Variants in PRR12 observed in about 807,000 individuals in gnomAD.
PRR12 encodes proline-rich protein 12.
Under a neutral mutation model 138.0 loss-of-function variants are expected in PRR12, and 12 were observed. The observed-to-expected ratio is 0.09, with a 90% CI of 0.06 to 0.14. PRR12 has a LOEUF of 0.14. PRR12 is among the 10% of genes least tolerant of loss of function. The probability of loss-of-function intolerance (pLI) is 1.00; values close to 1 mark genes in which losing one functional copy is unlikely to be tolerated. For synonymous variants in PRR12, 1,567 were observed against 1,291.7 expected, an observed-to-expected ratio of 1.21 and a Z score of -4.57; for missense variants, 2,692 against 2,861.3, an observed-to-expected ratio of 0.94 and a Z score of 1.35.
chr19:49,603,178 C>T (rs1008039819), intron 6 of PRR12, among the ~76,000 whole-genome samples: 1 of 152,192 alleles, frequency 6.6e-6, no homozygotes, highest in Non-Finnish European at 1.5e-5. Context: ...AGAGTTGGAT[C>T]AGAGGATTAA....
rs1388942064 is a variant in PRR12, at chr19:49,614,869, C to T, written c.4891-7C>T. ...GAATTTCCTCATGTGCCTCTTTCTC[C>T]CCATAGTATTTGGGGTATTTTGGGG... On this transcript the variant is annotated splice_region_variant and splice_polypyrimidine_tract_variant and intron_variant, in intron 7 of 13. Transcript: ENST00000418929. The surrounding 1 kb of genome is among the most constrained non-coding windows in gnomAD (Gnocchi z 5.0). 6 of 1,613,816 alleles carry T rather than the reference C, an allele frequency of 3.7e-6. No homozygotes were observed. In the East Asian group the frequency reaches 1.3e-4, roughly 36 times the overall value.
chr19:49,605,558 A>G (rs60709276), intron 6 of PRR12, among the ~76,000 whole-genome samples: 3,600 of 152,304 alleles, frequency 0.024, 141 homozygotes, highest in African/African-American at 0.082. Context: ...CACTGCGCCC[A>G]GCCAGGAACC....
chr19:49,620,517 G>A (rs1345724417), intron 10 of PRR12, 40 bp downstream of exon 10: 15 of 1,547,934 alleles, frequency 9.7e-6, no homozygotes, highest in African/African-American at 1.4e-5. Flanking sequence ...GGGCTGACTC[G>A]GTCTGAGGGA....
chr19:49,622,924 TATATAGAG>T (rs1441645632), intron 11 of PRR12, among the ~76,000 whole-genome samples: 27 of 84,754 alleles, frequency 3.2e-4, no homozygotes, highest in South Asian at 1.3e-3. Flanking sequence ...TATATATATA[TATATAGAG>T]AGAGAGAGAG....
Position 49,597,472 on chromosome 19 carries a change from C to G in PRR12, c.3137C>G (p.Pro1046Arg). Residue 1046 changes from proline (P) to arginine (R), a missense_variant, in exon 4 of 14, where the codon CCG (proline) becomes CGG (arginine). Physicochemically the swap from Pro to Arg is moderately radical, Grantham distance 103. Around this residue, in one of 11 missense-constraint regions of PRR12, gnomAD observed 840 missense variants for 689.8 expected, o/e 1.22. Coordinates refer to ENST00000418929, the MANE Select transcript of PRR12 (RefSeq NM_020719.3). The surrounding 1 kb of genome is among the most constrained non-coding windows in gnomAD (Gnocchi z 6.3). ...GCGCCACCACCCCCGCCTCCGCCAC[C>G]GCCGCCTCCCGCGCCGGCCTCCGAA... is the stretch of plus-strand genomic sequence containing the variant. ...QAAPPPPPPP[P>R]PPPAPASEPK... is the part of the protein sequence containing the mutation. 2 of 1,544,360 alleles carry G rather than the reference C, an allele frequency of 1.3e-6. No individual in the cohort carries two copies. The highest frequency in any genetic ancestry group is 1.7e-6 in the Non-Finnish European group (2 of 1,146,728).
intron 5 of PRR12, among the ~76,000 whole-genome samples, chr19:49,600,447 G>A (rs2122312827): frequency 6.6e-6 from 1 of 151,190 alleles, no homozygotes; most frequent in South Asian, 2.1e-4. Flanking sequence ...AATGAGAGGT[G>A]GGAGCTTACA....
At chr19:49,598,196 C>T (rs1238070375) in intron 4 of PRR12, among the ~76,000 whole-genome samples, 183 bp downstream of exon 4, 2 of 151,946 alleles carry the variant, frequency 1.3e-5, no homozygotes, top group Non-Finnish European at 2.9e-5. Flanking sequence ...GCCTCAGCCT[C>T]CCGAGTAGCT....
At chr19:49,609,979 C>CT (rs926692542) in intron 6 of PRR12, among the ~76,000 whole-genome samples, 124 of 146,162 alleles carry the variant, frequency 8.5e-4, no homozygotes, top group Middle Eastern at 3.7e-3. Flanking sequence ...CTTTTTCTTT[C>CT]TTTTTTTTTT....
rs1372090476 is a variant in PRR12, at chr19:49,597,914, C to T, written c.3579C>T (p.Pro1193=). The stretch of plus-strand genomic sequence containing the variant: ...CGGGGCCCGCCTCGGCCTCCACGCC[C>T]ACCGATGGCGCCAAGAAACCCCGGG... ...TTAGPASAST[P]TDGAKKPRGR... The change falls in exon 4 of 14, where the codon CCC becomes CCT. Residue 1193 remains proline (P), a synonymous_variant. Coordinates refer to ENST00000418929, the MANE Select transcript of PRR12 (RefSeq NM_020719.3). This position sits in a 1 kb window ranked among gnomAD's most constrained non-coding sequence, Gnocchi z 6.3. 7.1e-7 allele frequency: 1 copy of T among 1,407,774 alleles called. No individual in the cohort carries two copies. The highest frequency in any genetic ancestry group is 9.2e-7 in the Non-Finnish European group (1 of 1,085,118). The allele number at this position is 1,407,774 out of a possible 1,614,324, so 87.2% of individuals were successfully genotyped here.
Position 49,596,830 on chromosome 19 carries a change from C to T in PRR12, c.2495C>T (p.Ala832Val). The change falls in exon 4 of 14, where the codon GCA becomes GTA. Residue 832 changes from alanine (A) to valine (V), a missense_variant. By Grantham distance (64) the Ala-to-Val change is moderately conservative. Around this residue, in one of 11 missense-constraint regions of PRR12, gnomAD observed 840 missense variants for 689.8 expected, o/e 1.22. Coordinates refer to ENST00000418929, the MANE Select transcript of PRR12 (RefSeq NM_020719.3). The surrounding 1 kb of genome is among the most constrained non-coding windows in gnomAD (Gnocchi z 5.6). Reference protein sequence around the residue: ...HLLEPATRDGAPQPPPPPPPP... With the variant: ...HLLEPATRDGVPQPPPPPPPP... ...CTTGAGCCAGCCACCCGCGATGGGG[C>T]ACCCCAGCCACCTCCACCGCCACCC... is the stretch of plus-strand genomic sequence containing the variant. 1.3e-6 allele frequency: 2 copies of T among 1,595,172 alleles called. No homozygotes were observed. The highest frequency in any genetic ancestry group is 1.1e-5 in the South Asian group (1 of 90,596).
Position 49,597,578 on chromosome 19 carries a change from G to A in PRR12, c.3243G>A (p.Leu1081=). The change falls in exon 4 of 14, where the codon CTG becomes CTA. Residue 1081 remains leucine, a synonymous_variant. Transcript: ENST00000418929. This position sits in a 1 kb window ranked among gnomAD's most constrained non-coding sequence, Gnocchi z 6.3. ...TCAAGACATCCTCCTTCCACCTGCTGCGGCGCCGCGACCCACCCTTCCAGA... is the reference window on the plus strand; with the variant it reads ...TCAAGACATCCTCCTTCCACCTGCTACGGCGCCGCGACCCACCCTTCCAGA... ...KLLKTSSFHL[L]RRRDPPFQTP... 1 of 1,604,588 alleles carries A rather than the reference G, an allele frequency of 6.2e-7. No individual in the cohort carries two copies. Among genetic ancestry groups the A allele is most frequent in the Non-Finnish European group, 8.5e-7 (1 of 1,176,814 alleles).
rs773286612 is a variant in PRR12, at chr19:49,613,445, G to A, written c.4774-1088G>A. ...CTATTATTTCTTGTGTCCATATTTC[G>A]CGCCTCTGCTGCCCTTTTAGTCCTC... On this transcript the variant is annotated intron_variant, in intron 6 of 13. Transcript: ENST00000418929. 4.3e-4 allele frequency among the ~76,000 whole-genome samples: 66 copies of A among 151,808 alleles called. 1 individual carries two copies. The highest frequency in any genetic ancestry group is 1.2e-4 in the Non-Finnish European group (8 of 68,006).
At chr19:49,598,271 T>C (rs2080789204) in intron 4 of PRR12, among the ~76,000 whole-genome samples, 1 of 151,740 alleles carries the variant, frequency 6.6e-6, no homozygotes, top group Admixed American at 6.6e-5. Flanking sequence ...AGACGGGGTT[T>C]CACCGTATTA....
chr19:49,620,953 C>T (rs1378382356), intron 10 of PRR12, among the ~76,000 whole-genome samples: 4 of 122,104 alleles, frequency 3.3e-5, no homozygotes, highest in South Asian at 5.9e-4. Flanking sequence ...GGGACTGGGG[C>T]CTGGACTCCT....
Position 49,614,810 on chromosome 19 carries a change from CGG to C in PRR12, c.4891-62_4891-61del. Reference sequence around the variant, plus strand: ...GCAGCTGCCATGGTGGCCCAGGGCACGGGGGTGTTGGCCATCTGGCTGGGCAG... The same window carrying C: ...GCAGCTGCCATGGTGGCCCAGGGCACGGGTGTTGGCCATCTGGCTGGGCAG... On this transcript the variant is annotated intron_variant, in intron 7 of 13. Coordinates refer to ENST00000418929, the MANE Select transcript of PRR12 (RefSeq NM_020719.3). The surrounding 1 kb of genome is among the most constrained non-coding windows in gnomAD (Gnocchi z 5.0). 6.2e-7 allele frequency: 1 copy of C among 1,607,538 alleles called. No homozygotes were observed. Among genetic ancestry groups the C allele is most frequent in the Non-Finnish European group, 8.5e-7 (1 of 1,175,176 alleles).
At chr19:49,619,851 C>CATT (rs748070778) in intron 9 of PRR12, among the ~76,000 whole-genome samples, 13 of 53,946 alleles carry the variant, frequency 2.4e-4, no homozygotes, top group African/African-American at 1.1e-3. Flanking sequence ...CAATGCCTGG[C>CATT]TTTTTTTTTT....
In PRR12 at chr19:49,620,483, C is replaced by A; in HGVS notation, c.5623+6C>A. The A allele has an allele frequency of 6.5e-7, 1 of 1,537,084 alleles. No individual in the cohort carries two copies. On this transcript the variant is annotated splice_donor_region_variant and intron_variant, in intron 10 of 13. Coordinates refer to ENST00000418929, the MANE Select transcript of PRR12 (RefSeq NM_020719.3). ...GGCCCTGGAGGACACGCATGGTGAG[C>A]TGAGGCCTGGGGAGGAGGGGGGGGG...
Position 49,599,930 on chromosome 19 carries a change from G to A in PRR12, c.4337G>A (p.Gly1446Asp), listed in dbSNP as rs757993421. 2.5e-6 allele frequency: 4 copies of A among 1,601,404 alleles called. No homozygotes were observed. The highest frequency in any genetic ancestry group is 2.6e-6 in the Non-Finnish European group (3 of 1,172,868). Residue 1446 changes from glycine (G) to aspartate (D), a missense_variant, in exon 5 of 14, where the codon GGC becomes GAC. Coordinates refer to ENST00000418929, the MANE Select transcript of PRR12 (RefSeq NM_020719.3). This position sits in a 1 kb window ranked among gnomAD's most constrained non-coding sequence, Gnocchi z 5.0. The part of the protein sequence containing the change: ...LPGLPSANSN[G>D]TPEPPLLEEK... ...GGGCTCCCCAGTGCCAACAGCAATG[G>A]CACTCCCGGTGAGCTCTGGGCAGGT...
At chr19:49,600,880 A>G (rs2080806668) in intron 5 of PRR12, among the ~76,000 whole-genome samples, 1 of 151,992 alleles carries the variant, frequency 6.6e-6, no homozygotes, top group South Asian at 2.1e-4. Context: ...GCGCACCACC[A>G]TGCCCAGCTA....
Sources: gnomAD v4.1 joint callset for allele counts (sites outside exome capture counted in the v4.1 genomes callset) on GRCh38, gnomAD v4.1.1 for gene constraint, gnomAD v4.1.1 regional missense constraint, Gnocchi (gnomAD v3.1) non-coding constraint, MANE v1.5 for transcripts, NCBI Gene and HGNC (gene_info 2026-07-23, HGNC 2026-07-21) for gene names.